HMGXB4: variants seen among roughly 807,000 people sequenced by gnomAD.
HMGXB4 encodes the protein HMG-box containing 4, also known as HMG domain-containing protein 4.
A neutral mutation model predicts 63.9 loss-of-function variants in HMGXB4; 27 were observed. The ratio of observed to expected loss-of-function variants is 0.42; its 90% CI spans 0.31 to 0.58. The LOEUF is 0.58. Among genes scored for constraint, HMGXB4 ranks in the 20% least tolerant of loss-of-function variants. HMGXB4 has a pLI of 0.13. For missense variants in HMGXB4, 624 were observed against 700.7 expected, an observed-to-expected ratio of 0.89 and a Z score of 1.24; for synonymous variants, 264 against 265.3, an observed-to-expected ratio of 0.99 and a Z score of 0.05.
intron 8 of HMGXB4, 150 bp from the exon 9 acceptor site, chr22:35,288,088 C>G (rs1157134997): frequency 8.0e-6 from 4 of 498,126 alleles, no homozygotes; most frequent in Non-Finnish European, 1.4e-5. Context: ...CCATAAAAAA[C>G]AAGAGACCAT....
rs1923087052 is a variant in HMGXB4, at chr22:35,264,803, A to G, written c.415A>G (p.Ser139Gly). 6.2e-7 allele frequency: 1 copy of G among 1,614,080 alleles called. No homozygotes were observed. Among genetic ancestry groups the G allele is most frequent in the African/African-American group, 1.3e-5 (1 of 74,924 alleles). ...KTGEKSSGSS[S>G]HSESKKEHHR... ...TGGGGAGAAATCCTCTGGCTCTTCAAGCCATTCGGAGAGTAAAAAGGAGCA... is the reference window on the plus strand; with the variant it reads ...TGGGGAGAAATCCTCTGGCTCTTCAGGCCATTCGGAGAGTAAAAAGGAGCA... The change falls in exon 5 of 11, where the codon AGC becomes GGC. Residue 139 changes from serine to glycine, a missense_variant. Coordinates refer to ENST00000216106, the MANE Select transcript of HMGXB4 (RefSeq NM_001003681.3).
In HMGXB4 at chr22:35,263,241, T is replaced by A. The variant is rs767336493; in HGVS notation, c.180+15T>A. 4 of 1,596,716 alleles carry A rather than the reference T, an allele frequency of 2.5e-6. No individual in the cohort carries two copies. In the East Asian group the frequency reaches 8.9e-5, roughly 36 times the overall value. On this transcript the variant is annotated intron_variant, in intron 3 of 10. Transcript: ENST00000216106. ...AGAAGTTGAAGGTAAGTCCTGAAAA[T>A]TTAAATTAGGAAAGTCTTAAACTAC...
chr22:35,274,996 A>G lies in HMGXB4; in HGVS notation c.1216-8966A>G, dbSNP rs537613831. On this transcript the variant is annotated intron_variant, in intron 5 of 10. Transcript: ENST00000216106. ...TGGATGTCAGTTTCTTCATTTTTAC[A>G]CTGGCAGGAATGATGGAACTTACTT... Among the ~76,000 whole-genome samples, 24 of 152,184 alleles carry G rather than the reference A, an allele frequency of 1.6e-4. No individual in the cohort carries two copies. The East Asian group carries it at 4.6e-3, about 29-fold the overall frequency.
intron 1 of HMGXB4, among the ~76,000 whole-genome samples, chr22:35,259,921 G>T (rs1922733925): frequency 6.6e-6 from 1 of 152,218 alleles, no homozygotes; most frequent in Non-Finnish European, 1.5e-5. Context: ...GTTGGCCTGT[G>T]CCTCTGAGAA....
At chr22:35,275,351 C>A (rs551498282) in intron 5 of HMGXB4, among the ~76,000 whole-genome samples, 2 of 152,214 alleles carry the variant, frequency 1.3e-5, no homozygotes, top group African/African-American at 4.8e-5. Context: ...AACCCCTAAC[C>A]TCAGGTGATC....
Position 35,294,017 on chromosome 22 carries a change from C to T in HMGXB4, c.*366C>T, listed in dbSNP as rs1242615457. ...GGACAGCTAAAATGTGATTATTTTC[C>T]AAGCTCAGTTGGACCTCCAGACCCA... On this transcript the variant is annotated 3_prime_UTR_variant, in exon 11 of 11. Coordinates refer to ENST00000216106, the MANE Select transcript of HMGXB4 (RefSeq NM_001003681.3). 6.3e-6 allele frequency: 1 copy of T among 157,894 alleles called. No individual in the cohort carries two copies. The highest frequency in any genetic ancestry group is 1.8e-4 in the East Asian group (1 of 5,552). 9.8% of individuals were successfully genotyped at this position (157,894 alleles called of 1,614,324 possible).
intron 3 of HMGXB4, among the ~76,000 whole-genome samples, chr22:35,263,570 A>G (rs1923004713): frequency 6.6e-6 from 1 of 152,232 alleles, no homozygotes; most frequent in African/African-American, 2.4e-5. Context: ...GGCCTGGGCC[A>G]CTGCGCCAGG....
At chr22:35,289,992 G>T (rs967994216) in intron 9 of HMGXB4, among the ~76,000 whole-genome samples, 3 of 152,070 alleles carry the variant, frequency 2.0e-5, no homozygotes, top group Non-Finnish European at 2.9e-5. Flanking sequence ...AATGCCAAAG[G>T]CCACAAGAGC....
At chr22:35,253,064 G>A (rs771592673), upstream of HMGXB4, among the ~76,000 whole-genome samples, 3 of 149,406 alleles carry the variant, frequency 2.0e-5, no homozygotes, top group Non-Finnish European at 4.4e-5. Flanking sequence ...TCCGGGAGGC[G>A]GAGGTTGCAG....
Position 35,264,881 on chromosome 22 carries a change from G to A in HMGXB4, c.493G>A (p.Gly165Ser). 6.2e-7 allele frequency: 1 copy of A among 1,614,080 alleles called. No homozygotes were observed. Among genetic ancestry groups the A allele is most frequent in the Non-Finnish European group, 8.5e-7 (1 of 1,180,016 alleles). The change falls in exon 5 of 11, where the codon GGC becomes AGC. Residue 165 changes from glycine to serine, a missense_variant. Around this residue, in one of 2 missense-constraint regions of HMGXB4, gnomAD observed 472 missense variants for 470.6 expected, o/e 1.00. Coordinates refer to ENST00000216106, the MANE Select transcript of HMGXB4 (RefSeq NM_001003681.3). ...SSGELPLEDG[G>S]SHKSKKMKPL... ...TGGGGAACTACCCCTAGAGGATGGT[G>A]GCTCCCACAAATCGAAAAAAATGAA... is the stretch of plus-strand genomic sequence containing the variant.
the HMGXB4 span, among the ~76,000 whole-genome samples, chr22:35,249,490 T>C: frequency 1.0e-5 from 1 of 99,604 alleles, no homozygotes; most frequent in African/African-American, 2.6e-5. Flanking sequence ...ATATGGGCTA[T>C]ACTGCTTCTC....
At chr22:35,244,516 A>G in the HMGXB4 span, among the ~76,000 whole-genome samples, 1 of 152,222 alleles carries the variant, frequency 6.6e-6, no homozygotes, top group South Asian at 2.1e-4. Context: ...GCTGTAATAA[A>G]TCAATGAACT....
rs1487864685 is a variant in HMGXB4 at position 35,295,129 on chromosome 22, C to T, written c.*1478C>T. 8 of 152,112 alleles carry T rather than the reference C, an allele frequency of 5.3e-5. No homozygotes were observed. The highest frequency in any genetic ancestry group is 1.9e-4 in the African/African-American group (8 of 41,442). 9.4% of individuals were successfully genotyped at this position (152,112 alleles called of 1,614,324 possible). A position where few individuals can be genotyped will look rare whatever the true frequency, so the allele number is the denominator to read the frequency against. On this transcript the variant is annotated 3_prime_UTR_variant, in exon 11 of 11. Coordinates refer to ENST00000216106, the MANE Select transcript of HMGXB4 (RefSeq NM_001003681.3). ...AACACCAAGCTCTGAGTTAACTGTG[C>T]TTTCTTCTCCTGGCCCTGACAGAGC... is the stretch of plus-strand genomic sequence containing the variant.
intron 5 of HMGXB4, among the ~76,000 whole-genome samples, chr22:35,279,421 G>C (rs552355553): frequency 9.2e-5 from 14 of 152,150 alleles, no homozygotes; most frequent in African/African-American, 3.4e-4. Flanking sequence ...TTACAGGCGT[G>C]AGCCACTGCG....
At chr22:35,258,970 C>G (rs1922655074) in intron 1 of HMGXB4, among the ~76,000 whole-genome samples, 1 of 152,074 alleles carries the variant, frequency 6.6e-6, no homozygotes, top group African/African-American at 2.4e-5. Context: ...GCTCAAGTTA[C>G]CTCAAAAAAA....
intron 5 of HMGXB4, among the ~76,000 whole-genome samples, chr22:35,265,825 C>T (rs1205064387): frequency 7.4e-5 from 11 of 149,066 alleles, no homozygotes; most frequent in Admixed American, 2.0e-4. Flanking sequence ...CTCGCTCTGT[C>T]GCCCAGGCTG....
At chr22:35,285,337 G>A (rs1924502310) in intron 6 of HMGXB4, among the ~76,000 whole-genome samples, 1 of 152,216 alleles carries the variant, frequency 6.6e-6, no homozygotes, top group Non-Finnish European at 1.5e-5. Context: ...CTGAGGTCAG[G>A]AGTTCGAGAC....
At chr22:35,283,438 T>C (rs1924382237) in intron 5 of HMGXB4, among the ~76,000 whole-genome samples, 1 of 152,162 alleles carries the variant, frequency 6.6e-6, no homozygotes, top group African/African-American at 2.4e-5. Flanking sequence ...ATGTGGTTTT[T>C]ACCTACTAAA....
chr22:35,259,845 G>C (rs1420655563), intron 1 of HMGXB4, among the ~76,000 whole-genome samples: 2 of 152,160 alleles, frequency 1.3e-5, no homozygotes, highest in African/African-American at 4.8e-5. Context: ...ATGCTCTTCA[G>C]TGTTTTTAAG....
Sources: gnomAD v4.1 joint callset for allele counts (sites outside exome capture counted in the v4.1 genomes callset) on GRCh38, gnomAD v4.1.1 for gene constraint, gnomAD v4.1.1 regional missense constraint, MANE v1.5 for transcripts, NCBI Gene and HGNC (gene_info 2026-07-23, HGNC 2026-07-21) for gene names.